The following PLEKHM1 variants were observed in gnomAD, a reference collection of about 807,000 sequenced individuals.
PLEKHM1 encodes pleckstrin homology and RUN domain containing M1.
PLEKHM1 carries 28 observed loss-of-function variants against 94.3 expected under a neutral mutation model. The observed-to-expected ratio is 0.30, with a 90% CI of 0.22 to 0.41. The LOEUF (loss-of-function observed/expected upper bound fraction) is 0.41, where lower values mean the gene tolerates loss of function less well. PLEKHM1 is among the 10% of genes least tolerant of loss of function. The pLI, the probability that PLEKHM1 is intolerant of heterozygous loss-of-function variation, is 1.00. For synonymous variants in PLEKHM1, 424 were observed against 581.2 expected (o/e 0.73, Z 3.89); for missense variants, 907 against 1,358.6 (o/e 0.67, Z 5.22).
chr17:45,443,674 A>G (rs1480305161), intron 9 of PLEKHM1, among the ~76,000 whole-genome samples: 1 of 151,882 alleles, frequency 6.6e-6, no homozygotes, highest in Non-Finnish European at 1.5e-5. Context: ...CATCTGGTCT[A>G]CACAGGTCTG....
At chr17:45,483,565 A>G (rs2052023531) in intron 1 of PLEKHM1, among the ~76,000 whole-genome samples, 1 of 152,088 alleles carries the variant, frequency 6.6e-6, no homozygotes, top group African/African-American at 2.4e-5. Flanking sequence ...ACAAATCTCT[A>G]GCCAACTCCT....
At chr17:45,468,812 T>G (rs550634124) in intron 4 of PLEKHM1, among the ~76,000 whole-genome samples, 67 of 152,212 alleles carry the variant, frequency 4.4e-4, no homozygotes, top group African/African-American at 1.2e-3. Flanking sequence ...GACAGGTGAT[T>G]TGTGGAGCCT....
At position 45,439,471 on chromosome 17, in the gene PLEKHM1, G is replaced by A. The variant is rs777711964; in HGVS notation, c.3059+6C>T. 1.2e-5 allele frequency: 20 copies of A among 1,613,904 alleles called. No homozygotes were observed. The highest frequency in any genetic ancestry group is 9.3e-5 in the African/African-American group (7 of 74,934). ...TGGAAGGCGGCTGGCTGGGTGTCCC[G>A]CATACCTGACTGTGGTGTCAAACTC... On this transcript the variant is annotated splice_donor_region_variant and intron_variant, in intron 11 of 11. Transcript: ENST00000430334.
chr17:45,441,352 G>A (rs970736654), intron 9 of PLEKHM1, among the ~76,000 whole-genome samples: 1 of 152,156 alleles, frequency 6.6e-6, no homozygotes, highest in Non-Finnish European at 1.5e-5. Flanking sequence ...AGCCCAATCC[G>A]GGGTGGAGAG....
Position 45,453,899 on chromosome 17 carries a change from G to A in PLEKHM1, c.1953C>T (p.Pro651=). Residue 651 remains proline, a synonymous_variant, in exon 7 of 12, where the codon CCC becomes CCT. Coordinates refer to ENST00000430334, the MANE Select transcript of PLEKHM1 (RefSeq NM_014798.3). This position sits in a 1 kb window ranked among gnomAD's most constrained non-coding sequence, Gnocchi z 4.1. ...GGTCTGAGGGAGAGAGGCAGCCCTG[G>A]GGCGCCTCGGGGGGTTCCTCAGGCT... ...PDQPEEPPEA[P]QGCLSPSDLL... is the part of the protein sequence containing the mutation. 1 of 1,613,792 alleles carries A rather than the reference G, an allele frequency of 6.2e-7. No homozygotes were observed. Among genetic ancestry groups the A allele is most frequent in the African/African-American group, 1.3e-5 (1 of 75,038 alleles).
chr17:45,449,458 CT>C (rs982664604), intron 8 of PLEKHM1, among the ~76,000 whole-genome samples: 1 of 152,102 alleles, frequency 6.6e-6, no homozygotes, highest in Non-Finnish European at 1.5e-5. Context: ...ATCTACCTAT[CT>C]ACCTACCCAT....
At chr17:45,443,357 T>C (rs2050503874) in intron 9 of PLEKHM1, among the ~76,000 whole-genome samples, 1 of 151,834 alleles carries the variant, frequency 6.6e-6, no homozygotes, top group Non-Finnish European at 1.5e-5. Flanking sequence ...CACTGGCCCA[T>C]TTTATAGACG....
chr17:45,461,526 C>A (rs1365834470), intron 5 of PLEKHM1, among the ~76,000 whole-genome samples: 9 of 152,194 alleles, frequency 5.9e-5, no homozygotes, highest in Admixed American at 5.9e-4. Context: ...TTAGCTCTTA[C>A]ATTTAGGTTT....
At chr17:45,457,993 T>C (rs992209087) in intron 6 of PLEKHM1, among the ~76,000 whole-genome samples, 176 bp downstream of exon 6, 8 of 152,150 alleles carry the variant, frequency 5.3e-5, no homozygotes, top group Non-Finnish European at 7.4e-5. Flanking sequence ...TATACTACTT[T>C]TCCTGAAATG....
intron 5 of PLEKHM1, 63 bp from the exon 6 acceptor site, chr17:45,458,502 G>T (rs1567782097): frequency 3.4e-6 from 5 of 1,479,076 alleles, no homozygotes; most frequent in Admixed American, 3.5e-5. Flanking sequence ...ACGGAGTCTC[G>T]CTCTGTTGCC....
chr17:45,490,542 G>A (rs1338313776), intron 1 of PLEKHM1, 110 bp downstream of exon 1: 1 of 390,326 alleles, frequency 2.6e-6, no homozygotes, highest in African/African-American at 2.1e-5. Flanking sequence ...GCAGTCTCAG[G>A]GTAACCAGGG....
intron 9 of PLEKHM1, among the ~76,000 whole-genome samples, chr17:45,443,151 A>T (rs1003183712): frequency 3.3e-5 from 5 of 152,038 alleles, no homozygotes; most frequent in Non-Finnish European, 5.9e-5. Context: ...AACATTTTAG[A>T]AGGAAAAAGG....
Position 45,475,456 on chromosome 17 carries a change from C to T in PLEKHM1, c.567G>A (p.Thr189=), listed in dbSNP as rs762922074. 1.8e-5 allele frequency: 29 copies of T among 1,611,288 alleles called. No individual in the cohort carries two copies. In the Admixed American group the frequency reaches 3.5e-4, roughly 19 times the overall value. The change falls in exon 4 of 12, where the codon ACG becomes ACA. Residue 189 remains threonine (T), a synonymous_variant. Coordinates refer to ENST00000430334, the MANE Select transcript of PLEKHM1 (RefSeq NM_014798.3). ...SYKSAILNEW[T]LTPLALSGLC... is the part of the protein sequence containing the mutation. ...GCCCAGACAGGGCCAATGGGGTGAG[C>T]GTCCACTCATTTAAGATGGCAGACT...
At chr17:45,443,893 G>T (rs1483394486) in intron 9 of PLEKHM1, among the ~76,000 whole-genome samples, 4 of 152,076 alleles carry the variant, frequency 2.6e-5, no homozygotes, top group Non-Finnish European at 5.9e-5. Flanking sequence ...AGAGCCTCCT[G>T]GGGTGAAGTC....
At chr17:45,458,483 T>C (rs2051045324) in intron 5 of PLEKHM1, 44 bp from the exon 6 acceptor site, 1 of 1,576,574 alleles carries the variant, frequency 6.3e-7, no homozygotes. Flanking sequence ...AAAGTTTTTT[T>C]GTTTTGAGAC....
At chr17:45,467,980 C>T (rs912682947) in intron 5 of PLEKHM1, among the ~76,000 whole-genome samples, 6 of 151,902 alleles carry the variant, frequency 3.9e-5, no homozygotes, top group African/African-American at 1.5e-4. Context: ...AGCACAGTGC[C>T]GGGCTTATAT....
intron 5 of PLEKHM1, among the ~76,000 whole-genome samples, chr17:45,461,288 C>A (rs2051144639): frequency 6.6e-6 from 1 of 152,184 alleles, no homozygotes; most frequent in Non-Finnish European, 1.5e-5. Context: ...GAATACGAGA[C>A]CCTTATCAGA....
chr17:45,478,071 C>A lies in PLEKHM1; in HGVS notation c.125G>T (p.Ser42Ile), dbSNP rs1288002740. The A allele has an allele frequency of 5.6e-6, 9 of 1,614,086 alleles. No homozygotes were observed. The highest frequency in any genetic ancestry group is 7.6e-6 in the Non-Finnish European group (9 of 1,180,050). The change falls in exon 3 of 12, where the codon AGT becomes ATT. Residue 42 changes from serine to isoleucine, a missense_variant. Physicochemically the swap from Ser to Ile is moderately radical, Grantham distance 142. Coordinates refer to ENST00000430334, the MANE Select transcript of PLEKHM1 (RefSeq NM_014798.3). ...QYVSLDTVVT[S>I]EDGDANTMCS... ...CATGGTGTTGGCATCTCCGTCTTCA[C>A]TAGTGACCACCGTGTCCAGGGACAC...
intron 1 of PLEKHM1, among the ~76,000 whole-genome samples, chr17:45,483,776 G>A (rs1295404580): frequency 6.6e-6 from 1 of 152,068 alleles, no homozygotes; most frequent in Non-Finnish European, 1.5e-5. Flanking sequence ...GCTGACCCAG[G>A]TCAAGGAAGT....
Sources: gnomAD v4.1 joint callset for allele counts (sites outside exome capture counted in the v4.1 genomes callset) on GRCh38, gnomAD v4.1.1 for gene constraint, Gnocchi (gnomAD v3.1) non-coding constraint, MANE v1.5 for transcripts, NCBI Gene and HGNC (gene_info 2026-07-23, HGNC 2026-07-21) for gene names.